The following CEP120 variants were observed in gnomAD, a reference collection of about 807,000 sequenced individuals.
CEP120 encodes the protein centrosomal protein of 120 kDa.
Under a neutral mutation model 126.5 loss-of-function variants are expected in CEP120, and 113 were observed. The ratio of observed to expected loss-of-function variants is 0.89; its 90% CI spans 0.77 to 1.04. CEP120 has a LOEUF of 1.04. CEP120 is among the 50% of genes least tolerant of loss of function. The pLI, the probability that CEP120 is intolerant of heterozygous loss-of-function variation, is 0.00. For synonymous variants in CEP120, 400 were observed against 394.3 expected, an observed-to-expected ratio of 1.01 and a Z score of -0.17; for missense variants, 1,230 against 1,155.7, an observed-to-expected ratio of 1.06 and a Z score of -0.93.
At chr5:123,385,800 C>G (rs1771981414) in intron 10 of CEP120, among the ~76,000 whole-genome samples, 1 of 151,928 alleles carries the variant, frequency 6.6e-6, no homozygotes, top group Non-Finnish European at 1.5e-5. Context: ...GACAGGGTTT[C>G]ACCATTTTGC....
At chr5:123,411,013 T>C (rs1774022145) in intron 4 of CEP120, among the ~76,000 whole-genome samples, 1 of 152,132 alleles carries the variant, frequency 6.6e-6, no homozygotes, top group Admixed American at 6.5e-5. Flanking sequence ...AATTTAAAAA[T>C]GGGCCCAAGA....
intron 4 of CEP120, among the ~76,000 whole-genome samples, chr5:123,407,966 A>G (rs1372511768): frequency 6.6e-6 from 1 of 152,240 alleles, no homozygotes; most frequent in Non-Finnish European, 1.5e-5. Flanking sequence ...GGGTTAAAAA[A>G]AAATCTCAAG....
chr5:123,349,884 A>G (rs142749528), intron 19 of CEP120, 60 bp downstream of exon 19: 1 of 1,431,270 alleles, frequency 7.0e-7, no homozygotes, highest in East Asian at 2.3e-5. Context: ...GGAGACCTCA[A>G]GTTGTACCTT....
chr5:123,388,337 A>T, intron 9 of CEP120, 95 bp downstream of exon 9: 1 of 812,928 alleles, frequency 1.2e-6, no homozygotes, highest in Non-Finnish European at 1.8e-6. Context: ...CAAATGTTAT[A>T]ACTTCTTTGG....
Position 123,378,324 on chromosome 5 carries a change from C to T in CEP120, c.2196+12G>A, listed in dbSNP as rs562373500. The stretch of plus-strand genomic sequence containing the variant: ...CTATGCTGAAAAAAAATACAATGGA[C>T]GAATGACATACCTCTGATTCCACAC... On this transcript the variant is annotated intron_variant, in intron 15 of 19. Transcript: ENST00000306467. 1.5e-5 allele frequency: 23 copies of T among 1,576,072 alleles called. No homozygotes were observed. Among genetic ancestry groups the T allele is most frequent in the African/African-American group, 8.3e-5 (6 of 72,244 alleles).
chr5:123,410,584 C>A (rs553900985), intron 4 of CEP120, among the ~76,000 whole-genome samples: 20 of 152,278 alleles, frequency 1.3e-4, no homozygotes, highest in African/African-American at 4.1e-4. Context: ...TGCAATGGAG[C>A]AAAGAAAGTC....
Position 123,399,119 on chromosome 5 carries a change from C to G in CEP120, c.612+17G>C, listed in dbSNP as rs1445923083. On this transcript the variant is annotated intron_variant, in intron 5 of 19. Transcript: ENST00000306467. The stretch of plus-strand genomic sequence containing the variant: ...TTCAAATTATTCGTAAGTCACCAAT[C>G]TCATGAAAAGTCTCACCTGTTCCAA... 6.5e-7 allele frequency: 1 copy of G among 1,549,578 alleles called. No homozygotes were observed. Among genetic ancestry groups the G allele is most frequent in the Non-Finnish European group, 8.8e-7 (1 of 1,139,602 alleles).
At position 123,382,902 on chromosome 5, in the gene CEP120, C is replaced by A; in HGVS notation, c.1861-13G>T. 1 of 1,610,302 alleles carries A rather than the reference C, an allele frequency of 6.2e-7. No individual in the cohort carries two copies. Among genetic ancestry groups the A allele is most frequent in the African/African-American group, 1.3e-5 (1 of 74,692 alleles). On this transcript the variant is annotated splice_polypyrimidine_tract_variant and intron_variant, in intron 12 of 19. Coordinates refer to ENST00000306467, the MANE Select transcript of CEP120 (RefSeq NM_001375405.1). ...CGGCAGATACACCCTAAGAGATGAA[C>A]CAAAAAGTACATTTAAACACTCACA...
intron 19 of CEP120, among the ~76,000 whole-genome samples, chr5:123,349,035 G>A (rs1484256813): frequency 3.3e-5 from 5 of 152,052 alleles, no homozygotes; most frequent in Non-Finnish European, 7.4e-5. Flanking sequence ...CTAGACCCTT[G>A]ATAAACTAAG....
intron 4 of CEP120, among the ~76,000 whole-genome samples, chr5:123,411,575 A>G (rs1354606604): frequency 2.0e-5 from 3 of 152,370 alleles, no homozygotes; most frequent in East Asian, 3.9e-4. Flanking sequence ...ACTAAGGGAA[A>G]GAAACCAATC....
intron 19 of CEP120, 103 bp from the exon 20 acceptor site, chr5:123,346,856 T>C: frequency 2.3e-6 from 2 of 874,720 alleles, no homozygotes; most frequent in South Asian, 5.4e-5. Context: ...GTTTTAGTAA[T>C]ATTTTCAGGA....
chr5:123,397,776 T>C (rs1429045607), intron 5 of CEP120, among the ~76,000 whole-genome samples: 1 of 152,164 alleles, frequency 6.6e-6, no homozygotes, highest in Non-Finnish European at 1.5e-5. Flanking sequence ...TACGTGGACA[T>C]TTTGTTCCTC....
chr5:123,405,726 A>T lies in CEP120; in HGVS notation c.464-6442T>A, dbSNP rs1023902464. Among the ~76,000 whole-genome samples, 5 of 152,170 alleles carry T rather than the reference A, an allele frequency of 3.3e-5. No individual in the cohort carries two copies. The South Asian group carries it at 1.0e-3, about 32-fold the overall frequency. On this transcript the variant is annotated intron_variant, in intron 4 of 19. Coordinates refer to ENST00000306467, the MANE Select transcript of CEP120 (RefSeq NM_001375405.1). Reference sequence around the variant, plus strand: ...GAATGCTTCCCCTTCCTGACTCCTGACCACTACATTACTAAGGCCTATTTA... The same window carrying T: ...GAATGCTTCCCCTTCCTGACTCCTGTCCACTACATTACTAAGGCCTATTTA...
rs528516181 is a variant in CEP120 at position 123,353,675 on chromosome 5, A to T, written c.2581-3586T>A. 8.0e-4 allele frequency among the ~76,000 whole-genome samples: 122 copies of T among 152,076 alleles called. 2 individuals are homozygous for T. The highest frequency in any genetic ancestry group is 2.8e-3 in the African/African-American group (117 of 41,552). ...ATTAGATTCAATTTCTCTAATAGCT[A>T]TAAGACTATTTCTATTTTCTGTTTC... On this transcript the variant is annotated intron_variant, in intron 18 of 19. Transcript: ENST00000306467.
intron 5 of CEP120, among the ~76,000 whole-genome samples, chr5:123,396,282 G>T (rs752910459): frequency 6.6e-6 from 1 of 152,032 alleles, no homozygotes; most frequent in Non-Finnish European, 1.5e-5. Flanking sequence ...ATTTTTATTT[G>T]AATACCTATT....
intron 4 of CEP120, chr5:123,403,329 G>C: frequency 2.2e-6 from 1 of 455,788 alleles, no homozygotes; most frequent in East Asian, 7.0e-5. Flanking sequence ...GATGAGCTTG[G>C]AACATCTTGC....
At position 123,386,623 on chromosome 5, in the gene CEP120, T is replaced by C. The variant is rs756012659; in HGVS notation, c.1475A>G (p.Asn492Ser). 3 of 1,579,164 alleles carry C rather than the reference T, an allele frequency of 1.9e-6. No individual in the cohort carries two copies. Among genetic ancestry groups the C allele is most frequent in the Non-Finnish European group, 2.6e-6 (3 of 1,166,642 alleles). ...GTTTTTCCGAACTTCTACAGGAGGATTAGTCATAATAGGAGCTGCACTTCC... is the reference window on the plus strand; with the variant it reads ...GTTTTTCCGAACTTCTACAGGAGGACTAGTCATAATAGGAGCTGCACTTCC... ...FFGSAAPIMTNPPVEVRKNME... is the reference protein window; with the variant it reads ...FFGSAAPIMTSPPVEVRKNME... The change falls in exon 10 of 20, where the codon AAT becomes AGT. Residue 492 changes from asparagine to serine, a missense_variant. Coordinates refer to ENST00000306467, the MANE Select transcript of CEP120 (RefSeq NM_001375405.1).
intron 5 of CEP120, among the ~76,000 whole-genome samples, chr5:123,398,339 T>C (rs911153692): frequency 3.9e-5 from 6 of 152,134 alleles, no homozygotes; most frequent in African/African-American, 1.4e-4. Context: ...GCCCTGAGCA[T>C]CCCTGGACAT....
rs567512869 is a variant in CEP120 at position 123,362,321 on chromosome 5, T to A, written c.2580+2175A>T. 5.3e-5 allele frequency among the ~76,000 whole-genome samples: 8 copies of A among 151,840 alleles called. No individual in the cohort carries two copies. The East Asian group carries it at 1.6e-3, about 29-fold the overall frequency. On this transcript the variant is annotated intron_variant, in intron 18 of 19. Coordinates refer to ENST00000306467, the MANE Select transcript of CEP120 (RefSeq NM_001375405.1). ...CTCGTCAGAGTGGCTAATTTTCTTC[T>A]CCTAGAAATTATTTCATTCCTTGAC...
Sources: allele counts gnomAD v4.1 joint callset (sites outside exome capture counted in the v4.1 genomes callset), GRCh38; gene constraint gnomAD v4.1.1; transcripts MANE v1.5; gene names NCBI Gene and HGNC (gene_info 2026-07-23, HGNC 2026-07-21).